Variants in MGST2 observed in about 807,000 individuals in gnomAD.
MGST2 encodes the protein glutathione peroxidase MGST2.
In MGST2, 9 loss-of-function variants were observed where a neutral mutation model predicts 16.6. That is an observed-to-expected ratio of 0.54 (90% CI 0.33 to 0.95). The LOEUF (loss-of-function observed/expected upper bound fraction) is 0.95, where lower values mean the gene tolerates loss of function less well. Ranked by LOEUF, MGST2 falls within the 40% of genes least tolerant of loss-of-function variation. MGST2 has a pLI of 0.03. For missense variants in MGST2, 159 were observed against 175.1 expected (o/e 0.91, Z 0.52); for synonymous variants, 79 against 68.0 (o/e 1.16, Z -0.79).
chr4:139,732,098 C>G (rs146956284), intron 5 of MGST2, among the ~76,000 whole-genome samples: 28 of 152,280 alleles, frequency 1.8e-4, no homozygotes, highest in South Asian at 1.0e-3. Context: ...ATTATGAGAC[C>G]TAAATAGCAA....
chr4:139,733,633 G>C (rs993910178), intron 5 of MGST2, among the ~76,000 whole-genome samples: 9 of 150,322 alleles, frequency 6.0e-5, no homozygotes, highest in Admixed American at 6.0e-4. Context: ...CAGAGGTTTT[G>C]CCTTCAGGCT....
chr4:139,706,489 G>A (rs1727523300), downstream of MGST2, among the ~76,000 whole-genome samples: 1 of 152,198 alleles, frequency 6.6e-6, no homozygotes, highest in Non-Finnish European at 1.5e-5. Context: ...GACTTGGATT[G>A]TGACATTTTA....
chr4:139,752,094 G>A, the MGST2 span, among the ~76,000 whole-genome samples: 1 of 152,118 alleles, frequency 6.6e-6, no homozygotes, highest in African/African-American at 2.4e-5. Flanking sequence ...TTTCCTTGCA[G>A]GTAGATACTT....
chr4:139,695,608 A>C (rs1486119992), intron 3 of MGST2, among the ~76,000 whole-genome samples: 1 of 151,990 alleles, frequency 6.6e-6, no homozygotes, highest in African/African-American at 2.4e-5. Flanking sequence ...GGTGACAGAG[A>C]CTCCATCTCA....
rs1490664848 is a variant in MGST2, at chr4:139,698,043, C to A, written c.229+2776C>A. 1.4e-5 allele frequency: 10 copies of A among 695,830 alleles called. No individual in the cohort carries two copies. The East Asian group carries it at 2.2e-4, about 15-fold the overall frequency. The allele number at this position is 695,830 out of a possible 1,614,324, so 43.1% of individuals were successfully genotyped here. A position where few individuals can be genotyped will look rare whatever the true frequency, so the allele number is the denominator to read the frequency against. On this transcript the variant is annotated intron_variant, in intron 3 of 4. Coordinates refer to ENST00000265498, the MANE Select transcript of MGST2 (RefSeq NM_002413.5). ...ATCATATACTTAGGTACCTTTTGAC[C>A]CCATGGAAAAAAATTATCTAACGTT...
chr4:139,739,959 A>G (rs1169230762), intron 5 of MGST2, among the ~76,000 whole-genome samples: 1 of 152,176 alleles, frequency 6.6e-6, no homozygotes, highest in East Asian at 1.9e-4. Flanking sequence ...TTTCTCCCTG[A>G]GCCCACCTTA....
At chr4:139,666,179 T>A in intron 1 of MGST2, 102 bp downstream of exon 1, 1 of 1,253,016 alleles carries the variant, frequency 8.0e-7, no homozygotes, top group Non-Finnish European at 1.2e-6. Flanking sequence ...ATGGGTCCGG[T>A]GTTTTGTTTC....
downstream of MGST2, among the ~76,000 whole-genome samples, chr4:139,707,891 T>G (rs1297549804): frequency 4.6e-5 from 7 of 151,954 alleles, no homozygotes; most frequent in Non-Finnish European, 8.8e-5. Flanking sequence ...TCGCCCACTT[T>G]TTGATGGGGT....
In MGST2 at chr4:139,711,309, T is replaced by G. The variant is rs114891629; in HGVS notation, c.*48+7113T>G. Among the ~76,000 whole-genome samples, 342 of 152,244 alleles carry G rather than the reference T, an allele frequency of 2.2e-3. 2 individuals are homozygous for G. Among genetic ancestry groups the G allele is most frequent in the African/African-American group, 7.5e-3 (310 of 41,554 alleles). ...CCCAAGAGAAGGTTCTTGGATCTCG[T>G]GCAAGAAAGAATTCTTGCACGAGTG... On this transcript the variant is annotated intron_variant, in intron 5 of 5. Transcript: ENST00000616265.
chr4:139,749,428 A>C, the MGST2 span, among the ~76,000 whole-genome samples: 1 of 152,226 alleles, frequency 6.6e-6, no homozygotes, highest in Non-Finnish European at 1.5e-5. Flanking sequence ...ATCTAAGCGA[A>C]ATCTGATTGT....
At chr4:139,706,654 T>C (rs971254419), downstream of MGST2, among the ~76,000 whole-genome samples, 3 of 152,128 alleles carry the variant, frequency 2.0e-5, no homozygotes, top group Non-Finnish European at 2.9e-5. Flanking sequence ...TGCACTTAAA[T>C]TGGCTCTGGG....
At chr4:139,668,599 G>C (rs1475494246) in intron 1 of MGST2, among the ~76,000 whole-genome samples, 25 of 97,152 alleles carry the variant, frequency 2.6e-4, no homozygotes, top group Admixed American at 2.5e-3. Context: ...AAGACACAGA[G>C]AGAGAGAGAG....
chr4:139,752,511 C>T, the MGST2 span, among the ~76,000 whole-genome samples: 1 of 152,170 alleles, frequency 6.6e-6, no homozygotes, highest in Admixed American at 6.5e-5. Context: ...CCACCGTCTT[C>T]TTTGGGGTCA....
At chr4:139,702,482 T>C (rs145766277) in intron 3 of MGST2, among the ~76,000 whole-genome samples, 5 of 152,334 alleles carry the variant, frequency 3.3e-5, no homozygotes, top group African/African-American at 1.2e-4. Flanking sequence ...TTGTGTTGCA[T>C]AGATCTGTTT....
chr4:139,716,180 C>T (rs1727949365), intron 5 of MGST2, among the ~76,000 whole-genome samples: 1 of 144,080 alleles, frequency 6.9e-6, no homozygotes. Flanking sequence ...TACTCCTGCA[C>T]CAGTGAGTCA....
intron 2 of MGST2, among the ~76,000 whole-genome samples, chr4:139,683,604 A>G (rs1267234171): frequency 6.6e-6 from 1 of 152,052 alleles, no homozygotes; most frequent in Non-Finnish European, 1.5e-5. Context: ...GCATTTTAGG[A>G]GAGAGAGCTG....
intron 3 of MGST2, among the ~76,000 whole-genome samples, chr4:139,695,966 C>T (rs1726897917): frequency 2.0e-5 from 3 of 152,196 alleles, no homozygotes; most frequent in Admixed American, 1.3e-4. Flanking sequence ...GTCTGGAAGC[C>T]TTACTGAGTA....
chr4:139,749,433 G>A, the MGST2 span, among the ~76,000 whole-genome samples: 1 of 152,190 alleles, frequency 6.6e-6, no homozygotes, highest in Non-Finnish European at 1.5e-5. Flanking sequence ...AGCGAAATCT[G>A]ATTGTTTTCT....
At chr4:139,676,410 TCA>T (rs577510140) in intron 1 of MGST2, among the ~76,000 whole-genome samples, 1 of 152,152 alleles carries the variant, frequency 6.6e-6, no homozygotes, top group Non-Finnish European at 1.5e-5. Context: ...AGGAATTGGC[TCA>T]CACAGTTGTG....
Sources: allele counts gnomAD v4.1 joint callset (sites outside exome capture counted in the v4.1 genomes callset), GRCh38; gene constraint gnomAD v4.1.1; transcripts MANE v1.5; gene names NCBI Gene and HGNC (gene_info 2026-07-23, HGNC 2026-07-21).